The following KCTD8 variants were observed in gnomAD, a reference collection of about 807,000 sequenced individuals.
KCTD8 encodes the protein potassium channel tetramerization domain containing 8.
KCTD8 carries 27 observed loss-of-function variants against 31.5 expected under a neutral mutation model. That is an observed-to-expected ratio of 0.86 (90% CI 0.63 to 1.18). KCTD8 has a LOEUF of 1.18. Among genes scored for constraint, KCTD8 ranks in the 50% most tolerant of loss-of-function variants. The pLI is 0.00. For missense variants in KCTD8, 658 were observed against 647.7 expected (o/e 1.02, Z -0.17); for synonymous variants, 290 against 280.0 (o/e 1.04, Z -0.36).
chr4:44,356,713 C>G (rs895906026), intron 1 of KCTD8, among the ~76,000 whole-genome samples: 2 of 152,270 alleles, frequency 1.3e-5, no homozygotes, highest in Admixed American at 1.3e-4. Context: ...CTGAGGTGAT[C>G]CACCTGCCTC....
intron 1 of KCTD8, among the ~76,000 whole-genome samples, chr4:44,338,402 T>C (rs1415959811): frequency 6.6e-6 from 1 of 152,172 alleles, no homozygotes; most frequent in Non-Finnish European, 1.5e-5. Flanking sequence ...CAGGTAAAGC[T>C]TATATCTCTA....
intron 1 of KCTD8, among the ~76,000 whole-genome samples, chr4:44,248,619 A>G (rs915992438): frequency 6.6e-6 from 1 of 151,836 alleles, no homozygotes; most frequent in Non-Finnish European, 1.5e-5. Context: ...TCAATATCTC[A>G]TTTCTCAAAT....
At chr4:44,278,972 G>A (rs377385799) in intron 1 of KCTD8, among the ~76,000 whole-genome samples, 2 of 151,836 alleles carry the variant, frequency 1.3e-5, no homozygotes, top group Non-Finnish European at 2.9e-5. Flanking sequence ...TTTCTCTTAC[G>A]GTCTGTTAGG....
chr4:44,389,234 TAGTCA>T (rs1201717335), intron 1 of KCTD8, among the ~76,000 whole-genome samples: 1 of 151,740 alleles, frequency 6.6e-6, no homozygotes, highest in Non-Finnish European at 1.5e-5. Flanking sequence ...AGAGTGACTA[TAGTCA>T]ATAATAATTT....
intron 1 of KCTD8, among the ~76,000 whole-genome samples, chr4:44,240,283 G>C (rs139779938): frequency 6.6e-6 from 1 of 152,070 alleles, no homozygotes; most frequent in South Asian, 2.1e-4. Context: ...CAGACTTCAC[G>C]GCTTACATTT....
At chr4:44,280,609 G>A (rs1357082454) in intron 1 of KCTD8, among the ~76,000 whole-genome samples, 6 of 152,054 alleles carry the variant, frequency 3.9e-5, no homozygotes, top group South Asian at 2.1e-4. Context: ...CTATCACAGC[G>A]AATCAAATTG....
chr4:44,177,331 G>A lies in KCTD8; in HGVS notation c.962-2081C>T, dbSNP rs1454285641. ...TCTGGTTATATCCCTGGACCTAGAG[G>A]CACAGCCCTATCAGGAAGCTCTCTC... On this transcript the variant is annotated intron_variant, in intron 1 of 1. Coordinates refer to ENST00000360029, the MANE Select transcript of KCTD8 (RefSeq NM_198353.3). Among the ~76,000 whole-genome samples, 3 of 152,006 alleles carry A rather than the reference G, an allele frequency of 2.0e-5. No individual in the cohort carries two copies. In the East Asian group the frequency reaches 5.8e-4, roughly 29 times the overall value.
intron 1 of KCTD8, among the ~76,000 whole-genome samples, chr4:44,271,975 G>A (rs1290781614): frequency 6.6e-6 from 1 of 151,806 alleles, no homozygotes; most frequent in African/African-American, 2.4e-5. Context: ...AGCTAGTCTT[G>A]GCATGTGATC....
At chr4:44,392,665 A>C (rs1327280889) in intron 1 of KCTD8, among the ~76,000 whole-genome samples, 1 of 152,014 alleles carries the variant, frequency 6.6e-6, no homozygotes, top group Non-Finnish European at 1.5e-5. Context: ...GATCATGCTA[A>C]TGATGAGATA....
In KCTD8 at chr4:44,191,222, C is replaced by T. The variant is rs1188272496; in HGVS notation, c.962-15972G>A. On this transcript the variant is annotated intron_variant, in intron 1 of 1. Transcript: ENST00000360029. ...ATTAATATTTTTATAATTTCTTATACCTGTCTTACTTTAATCTCTTAATCC... is the reference window on the plus strand; with the variant it reads ...ATTAATATTTTTATAATTTCTTATATCTGTCTTACTTTAATCTCTTAATCC... Among the ~76,000 whole-genome samples, 5 of 152,092 alleles carry T rather than the reference C, an allele frequency of 3.3e-5. No homozygotes were observed. The South Asian group carries it at 1.0e-3, about 32-fold the overall frequency.
chr4:44,311,817 C>T (rs958864355), intron 1 of KCTD8, among the ~76,000 whole-genome samples: 9 of 150,394 alleles, frequency 6.0e-5, no homozygotes, highest in Non-Finnish European at 1.3e-4. Context: ...CCGTTTTATT[C>T]CTCTTGGTTC....
chr4:44,339,227 G>C (rs534582623), intron 1 of KCTD8, among the ~76,000 whole-genome samples: 2 of 152,290 alleles, frequency 1.3e-5, no homozygotes, highest in African/African-American at 4.8e-5. Context: ...TTGGAGACCA[G>C]TGTTGGATAT....
chr4:44,382,391 A>G (rs1014420817), intron 1 of KCTD8, among the ~76,000 whole-genome samples: 1 of 152,096 alleles, frequency 6.6e-6, no homozygotes, highest in Non-Finnish European at 1.5e-5. Context: ...CATGTTTAAC[A>G]TCATACCGAA....
At chr4:44,407,402 T>G (rs2109461044) in intron 1 of KCTD8, among the ~76,000 whole-genome samples, 1 of 151,826 alleles carries the variant, frequency 6.6e-6, no homozygotes, top group South Asian at 2.1e-4. Flanking sequence ...TTTTTTTTTT[T>G]TGGAGATACA....
Position 44,448,292 on chromosome 4 carries a change from T to C in KCTD8, c.232A>G (p.Ser78Gly). Residue 78 changes from serine to glycine, a missense_variant, in exon 1 of 2, where the codon AGT (serine) becomes GGT (glycine). Transcript: ENST00000360029. This position sits in a 1 kb window ranked among gnomAD's most constrained non-coding sequence, Gnocchi z 4.1. ...STLASMFSPS[S>G]PRGGARRRGE... The stretch of plus-strand genomic sequence containing the variant: ...CGGCGCCGGGCGCCGCCACGGGGAC[T>C]AGAGGGCGAGAACATGCTGGCCAAA... The C allele has an allele frequency of 6.2e-7, 1 of 1,608,002 alleles. No individual in the cohort carries two copies. Among genetic ancestry groups the C allele is most frequent in the Non-Finnish European group, 8.5e-7 (1 of 1,178,056 alleles).
intron 1 of KCTD8, among the ~76,000 whole-genome samples, chr4:44,413,920 G>A (rs1009808646): frequency 6.6e-6 from 1 of 152,092 alleles, no homozygotes; most frequent in African/African-American, 2.4e-5. Flanking sequence ...ATTTGAGGAT[G>A]CTACACTGCT....
intron 1 of KCTD8, among the ~76,000 whole-genome samples, chr4:44,390,196 A>G (rs893653888): frequency 2.0e-4 from 31 of 152,018 alleles, no homozygotes; most frequent in African/African-American, 7.2e-4. Context: ...GTTATTGGTC[A>G]TGAAGTCTTT....
intron 1 of KCTD8, among the ~76,000 whole-genome samples, chr4:44,389,579 G>T (rs913514247): frequency 1.3e-5 from 2 of 151,774 alleles, no homozygotes; most frequent in African/African-American, 4.8e-5. Context: ...GTTGCCAGGA[G>T]CTGGGGGTGG....
At chr4:44,389,824 C>T (rs776428255) in intron 1 of KCTD8, among the ~76,000 whole-genome samples, 4 of 151,642 alleles carry the variant, frequency 2.6e-5, no homozygotes, top group Non-Finnish European at 4.4e-5. Flanking sequence ...TCCATTTATA[C>T]GTGGATTTTT....
Sources: allele counts gnomAD v4.1 joint callset (sites outside exome capture counted in the v4.1 genomes callset), GRCh38; gene constraint gnomAD v4.1.1; non-coding constraint Gnocchi (gnomAD v3.1); transcripts MANE v1.5; gene names NCBI Gene and HGNC (gene_info 2026-07-23, HGNC 2026-07-21).